KANK1: variants seen among roughly 807,000 people sequenced by gnomAD.
KANK1 encodes KN motif and ankyrin repeat domain-containing protein 1.
In KANK1, 109 loss-of-function variants were observed where a neutral mutation model predicts 106.2. The ratio of observed to expected loss-of-function variants is 1.03; its 90% CI spans 0.88 to 1.20. KANK1 has a LOEUF of 1.20. Ranked by LOEUF, KANK1 falls within the 50% of genes most tolerant of loss-of-function variation. The pLI is 0.00. For missense variants in KANK1, 2,399 were observed against 1,710.7 expected (o/e 1.40, Z -7.10); for synonymous variants, 873 against 652.2 (o/e 1.34, Z -5.16).
In KANK1 at chr9:608,698, T is replaced by A. The variant is rs547785275; in HGVS notation, c.-83-68192T>A. ...GGAGATAAACAGAATTGAAAAATTG[T>A]TCACAAAGGTTGTCAGTTATTAGGG... On this transcript the variant is annotated intron_variant, in intron 1 of 11. Transcript: ENST00000382297. Among the ~76,000 whole-genome samples the A allele has an allele frequency of 3.9e-5, 6 of 152,270 alleles. No individual in the cohort carries two copies. The South Asian group carries it at 1.2e-3, about 32-fold the overall frequency.
At chr9:470,822 T>G (rs1257206316) in intron 2 of KANK1, 1 of 152,242 alleles carries the variant, frequency 6.6e-6, no homozygotes, top group African/African-American at 2.4e-5. Context: ...ACCCCCTAGT[T>G]TTTTGTCTGT....
At chr9:541,136 A>C (rs959416038) in intron 1 of KANK1, among the ~76,000 whole-genome samples, 1 of 152,090 alleles carries the variant, frequency 6.6e-6, no homozygotes, top group South Asian at 2.1e-4. Context: ...AAAAAAACAC[A>C]AAAAAACAGA....
chr9:558,593 A>G (rs981796294), intron 1 of KANK1, among the ~76,000 whole-genome samples: 2 of 152,170 alleles, frequency 1.3e-5, no homozygotes, highest in Non-Finnish European at 2.9e-5. Context: ...CCTAAGGCAC[A>G]TCATGGCCTT....
chr9:711,061 GACA>G lies in KANK1; in HGVS notation c.300_302del (p.Asn100del), dbSNP rs751846768. 1.6e-4 allele frequency: 266 copies of G among 1,614,182 alleles called. No individual in the cohort carries two copies. The highest frequency in any genetic ancestry group is 3.3e-4 in the Middle Eastern group (2 of 6,062). On this transcript the variant is annotated inframe_deletion, in exon 3 of 12. Coordinates refer to ENST00000382297, the MANE Select transcript of KANK1 (RefSeq NM_015158.5). Reference sequence around the variant, plus strand: ...ATCCCTCTCATCCTCCAACAGTGATGACAACAAGCAGTGCCCCAACTTCCTCAT... The same window carrying G: ...ATCCCTCTCATCCTCCAACAGTGATGACAAGCAGTGCCCCAACTTCCTCAT...
intron 3 of KANK1, among the ~76,000 whole-genome samples, chr9:726,553 C>T (rs1048777183): frequency 2.0e-5 from 3 of 151,578 alleles, no homozygotes; most frequent in Admixed American, 1.3e-4. Context: ...GCAGGAGAAT[C>T]GCTTAAACCG....
At chr9:509,974 CT>C (rs113370848) in intron 1 of KANK1, among the ~76,000 whole-genome samples, 23,079 of 142,870 alleles carry the variant, frequency 0.16, 3,030 homozygotes, top group African/African-American at 0.37. Flanking sequence ...CTAATTTTTC[CT>C]TTTTTTTTTT....
chr9:704,354 T>C (rs763261959), intron 2 of KANK1, among the ~76,000 whole-genome samples: 9 of 152,332 alleles, frequency 5.9e-5, no homozygotes, highest in South Asian at 2.1e-4. Flanking sequence ...CCCCTAGATA[T>C]GAACTCATGT....
chr9:660,062 C>G (rs539880219), intron 1 of KANK1: 59 of 411,290 alleles, frequency 1.4e-4, no homozygotes, highest in South Asian at 1.2e-3. Context: ...CCTGCTGGCA[C>G]TGAGGATTAT....
intron 1 of KANK1, among the ~76,000 whole-genome samples, chr9:639,984 G>C (rs183275762): frequency 6.6e-6 from 1 of 152,130 alleles, no homozygotes; most frequent in African/African-American, 2.4e-5. Context: ...CATCCTTAAT[G>C]CCATCCCGTT....
chr9:580,045 C>A (rs916788806), intron 1 of KANK1, among the ~76,000 whole-genome samples: 3 of 152,140 alleles, frequency 2.0e-5, no homozygotes, highest in Non-Finnish European at 4.4e-5. Flanking sequence ...TGTTACAGTT[C>A]TTAAAGATGG....
intron 2 of KANK1, among the ~76,000 whole-genome samples, chr9:677,982 A>G (rs573522013): frequency 2.6e-5 from 4 of 152,322 alleles, no homozygotes; most frequent in South Asian, 2.1e-4. Context: ...TAGAGGAGCT[A>G]TGTAAGCCGT....
intron 1 of KANK1, among the ~76,000 whole-genome samples, chr9:629,566 A>G (rs927293378): frequency 6.6e-6 from 1 of 152,338 alleles, no homozygotes; most frequent in South Asian, 2.1e-4. Flanking sequence ...GGCCCATCAC[A>G]TATAAATAAA....
At chr9:675,332 A>C (rs1264991610) in intron 1 of KANK1, among the ~76,000 whole-genome samples, 1 of 152,170 alleles carries the variant, frequency 6.6e-6, no homozygotes, top group Non-Finnish European at 1.5e-5. Flanking sequence ...CTGAATTGAC[A>C]CTTTAATTCT....
intron 1 of KANK1, among the ~76,000 whole-genome samples, chr9:532,587 T>C (rs1210165315): frequency 6.6e-6 from 1 of 152,058 alleles, no homozygotes; most frequent in Non-Finnish European, 1.5e-5. Flanking sequence ...CTAACTGTTT[T>C]ATTTTTAAAT....
intron 1 of KANK1, among the ~76,000 whole-genome samples, chr9:621,108 T>A (rs1336333633): frequency 6.6e-6 from 1 of 152,180 alleles, no homozygotes; most frequent in Non-Finnish European, 1.5e-5. Context: ...TCTTCTCTGT[T>A]TTCAGGCTCC....
intron 1 of KANK1, among the ~76,000 whole-genome samples, chr9:530,168 T>C (rs1296235132): frequency 2.6e-5 from 4 of 152,214 alleles, no homozygotes; most frequent in Non-Finnish European, 4.4e-5. Context: ...GTGATAAGAA[T>C]TGGAGTTGTT....
chr9:713,269 G>T lies in KANK1; in HGVS notation c.2503G>T (p.Ala835Ser), dbSNP rs780929738. ...HYIERIQKLL[A>S]EQQTLLAENY... The stretch of plus-strand genomic sequence containing the variant: ...CATTGAGCGTATCCAGAAGCTGCTG[G>T]CAGAACAGCAGACACTGCTGGCTGA... The change falls in exon 3 of 12, where the codon GCA (alanine) becomes TCA (serine). Residue 835 changes from alanine to serine, a missense_variant. Ala to Ser is a moderately conservative substitution (Grantham distance 99, BLOSUM62 1). Coordinates refer to ENST00000382297, the MANE Select transcript of KANK1 (RefSeq NM_015158.5). The T allele has an allele frequency of 6.2e-7, 1 of 1,612,618 alleles. No homozygotes were observed. Among genetic ancestry groups the T allele is most frequent in the South Asian group, 1.1e-5 (1 of 90,768 alleles).
In KANK1 at chr9:623,782, T is replaced by A. The variant is rs553776722; in HGVS notation, c.-83-53108T>A. Among the ~76,000 whole-genome samples, 3 of 152,312 alleles carry A rather than the reference T, an allele frequency of 2.0e-5. No homozygotes were observed. In the South Asian group the frequency reaches 6.2e-4, roughly 32 times the overall value. On this transcript the variant is annotated intron_variant, in intron 1 of 11. Transcript: ENST00000382297. ...GGATATGGAGGAAAGGGAACCCTTGTACGCTATTAGGGTGAAAATTGGTAC... is the reference window on the plus strand; with the variant it reads ...GGATATGGAGGAAAGGGAACCCTTGAACGCTATTAGGGTGAAAATTGGTAC...
chr9:598,615 G>GTTTTTTTTTTTT lies in KANK1; in HGVS notation c.-83-78271_-83-78270insTTTTTTTTTTTT, dbSNP rs1306483082. On this transcript the variant is annotated intron_variant, in intron 1 of 11. Transcript: ENST00000382297. ...TAGGTTTTTTTGTTTTGTTTTGTTGGTTTTCTTTTTTTTTTTTTTTTTTTT... is the reference window on the plus strand; with the variant it reads ...TAGGTTTTTTTGTTTTGTTTTGTTGGTTTTTTTTTTTTTTTTCTTTTTTTTTTTTTTTTTTTT... Among the ~76,000 whole-genome samples, 10 of 73,330 alleles carry GTTTTTTTTTTTT rather than the reference G, an allele frequency of 1.4e-4. No homozygotes were observed. The East Asian group carries it at 3.0e-3, about 22-fold the overall frequency. The allele number at this position is 73,330 out of a possible 152,430, so 48.1% of individuals were successfully genotyped here. A position where few individuals can be genotyped will look rare whatever the true frequency, so the allele number is the denominator to read the frequency against.
Sources: allele counts gnomAD v4.1 joint callset (sites outside exome capture counted in the v4.1 genomes callset), GRCh38; gene constraint gnomAD v4.1.1; transcripts MANE v1.5; gene names NCBI Gene and HGNC (gene_info 2026-07-23, HGNC 2026-07-21).